The following EIF2S2 variants were observed in gnomAD, a reference collection of about 807,000 sequenced individuals.
EIF2S2 encodes the protein eukaryotic translation initiation factor 2 subunit beta.
In EIF2S2, 4 loss-of-function variants were observed where a neutral mutation model predicts 44.0. That is an observed-to-expected ratio of 0.09 (90% CI 0.04 to 0.21). The LOEUF (loss-of-function observed/expected upper bound fraction) is 0.21. Among genes scored for constraint, EIF2S2 ranks in the 10% least tolerant of loss-of-function variants. The pLI, the probability that EIF2S2 is intolerant of heterozygous loss-of-function variation, is 1.00. For missense variants in EIF2S2, 154 were observed against 392.0 expected, an observed-to-expected ratio of 0.39 and a Z score of 5.13; for synonymous variants, 108 against 128.3, an observed-to-expected ratio of 0.84 and a Z score of 1.07.
chr20:34,112,020 G>GC, intron 1 of EIF2S2, 76 bp downstream of exon 1: 19 of 1,325,300 alleles, frequency 1.4e-5, no homozygotes, highest in Non-Finnish European at 1.9e-5. Context: ...TAGGCCGCAG[G>GC]CCCGTTCTCC....
intron 4 of EIF2S2, among the ~76,000 whole-genome samples, chr20:34,098,290 G>T (rs1315749794): frequency 6.6e-6 from 1 of 151,460 alleles, no homozygotes; most frequent in Non-Finnish European, 1.5e-5. Context: ...TCCCAAGCCT[G>T]AATCAGTATG....
At chr20:34,098,394 A>T in intron 4 of EIF2S2, 104 bp downstream of exon 4, 1 of 1,318,850 alleles carries the variant, frequency 7.6e-7, no homozygotes, top group Non-Finnish European at 1.0e-6. Flanking sequence ...AGTAGAAATA[A>T]GGGGCAAGAA....
intron 8 of EIF2S2, among the ~76,000 whole-genome samples, chr20:34,090,223 C>A (rs563624903): frequency 6.6e-4 from 101 of 152,332 alleles, no homozygotes; most frequent in African/African-American, 2.2e-3. Context: ...TAACTAGGAA[C>A]AAAAGGGGGC....
rs2034422184 is a variant in EIF2S2, at chr20:34,112,149, A to C, written c.-39T>G. On this transcript the variant is annotated 5_prime_UTR_variant, in exon 1 of 9. Transcript: ENST00000374980. ...GTGGGCTCGGCACGGACGGGAAGTC[A>C]GACGGGTCAGCCCCAGGCCCCGGCG... 6.5e-7 allele frequency: 1 copy of C among 1,534,268 alleles called. No homozygotes were observed. Among genetic ancestry groups the C allele is most frequent in the Non-Finnish European group, 8.8e-7 (1 of 1,136,666 alleles).
rs1461358280 is a variant in EIF2S2, at chr20:34,098,612, C to T, written c.319G>A (p.Val107Ile). The change falls in exon 4 of 9, where the codon GTT becomes ATT. Residue 107 changes from valine (V) to isoleucine (I), a missense_variant. This residue lies in a region of EIF2S2 where 134 missense variants were observed against 225.0 expected (regional missense o/e 0.60). Coordinates refer to ENST00000374980, the MANE Select transcript of EIF2S2 (RefSeq NM_003908.5). ...GVKDLKIESDVQEPTEPEDDL... is the reference protein window; with the variant it reads ...GVKDLKIESDIQEPTEPEDDL... ...TCCTCTGGTTCAGTTGGTTCTTGAA[C>T]ATCACTTTCAATCTTAAGATCCTAA... The T allele has an allele frequency of 6.2e-7, 1 of 1,613,726 alleles. No homozygotes were observed. Among genetic ancestry groups the T allele is most frequent in the African/African-American group, 1.3e-5 (1 of 74,916 alleles).
At chr20:34,094,929 G>A (rs1470072703) in intron 6 of EIF2S2, among the ~76,000 whole-genome samples, 1 of 152,200 alleles carries the variant, frequency 6.6e-6, no homozygotes, top group African/African-American at 2.4e-5. Flanking sequence ...CATTGCTAGC[G>A]GGAGTATGAA....
chr20:34,096,920 T>G (rs2034236034), intron 5 of EIF2S2, 115 bp from the exon 6 acceptor site: 3 of 1,147,802 alleles, frequency 2.6e-6, no homozygotes, highest in Admixed American at 2.5e-5. Flanking sequence ...AATATACACA[T>G]GCATTACTAC....
chr20:34,109,398 T>C (rs2034385564), intron 1 of EIF2S2, among the ~76,000 whole-genome samples: 1 of 152,166 alleles, frequency 6.6e-6, no homozygotes, highest in Non-Finnish European at 1.5e-5. Context: ...ATTCTGCTTT[T>C]TAAAGATCAT....
chr20:34,103,054 C>T (rs1418168550), intron 3 of EIF2S2, among the ~76,000 whole-genome samples: 1 of 152,206 alleles, frequency 6.6e-6, no homozygotes, highest in Non-Finnish European at 1.5e-5. Flanking sequence ...CCAACCACCA[C>T]TGTGGTTCAT....
intron 3 of EIF2S2, among the ~76,000 whole-genome samples, chr20:34,101,160 G>A (rs2034290712): frequency 6.6e-6 from 1 of 152,160 alleles, no homozygotes; most frequent in Admixed American, 6.6e-5. Context: ...AGACCAATCT[G>A]CCAGCCAGGC....
In EIF2S2 at chr20:34,089,704, G is replaced by A. The variant is rs1322102389; in HGVS notation, c.*26C>T. The A allele has an allele frequency of 5.0e-6, 8 of 1,600,654 alleles. No homozygotes were observed. The African/African-American group carries it at 1.1e-4, about 21-fold the overall frequency. Reference sequence around the variant, plus strand: ...CTGTCCAGCCACATCTCCACAACAAGCTTTGCAAAATCAGTGATTAGCAAA... The same window carrying A: ...CTGTCCAGCCACATCTCCACAACAAACTTTGCAAAATCAGTGATTAGCAAA... On this transcript the variant is annotated 3_prime_UTR_variant, in exon 9 of 9. Transcript: ENST00000374980.
chr20:34,102,655 G>C (rs1194953487), intron 3 of EIF2S2, among the ~76,000 whole-genome samples: 1 of 152,184 alleles, frequency 6.6e-6, no homozygotes, highest in African/African-American at 2.4e-5. Context: ...TTTGAGTAGA[G>C]GGCACAAGAT....
At chr20:34,111,812 C>T (rs1328312735) in intron 1 of EIF2S2, among the ~76,000 whole-genome samples, 1 of 152,228 alleles carries the variant, frequency 6.6e-6, no homozygotes, top group Non-Finnish European at 1.5e-5. Context: ...ATTAACCGGG[C>T]ATTCGAGCCC....
At position 34,095,308 on chromosome 20, in the gene EIF2S2, CTCTTT is replaced by C. The variant is rs1568713270; in HGVS notation, c.683+1344_683+1348del. Among the ~76,000 whole-genome samples the C allele has an allele frequency of 2.0e-4, 25 of 127,466 alleles. No homozygotes were observed. The South Asian group carries it at 7.7e-3, about 39-fold the overall frequency. 83.6% of individuals were successfully genotyped at this position (127,466 alleles called of 152,430 possible). ...TATTAAACTATGATAAGTTAGCTAC[CTCTTT>C]TTTTTTTTTTTTTTTTTGACAGAGT... is the stretch of plus-strand genomic sequence containing the variant. On this transcript the variant is annotated intron_variant, in intron 6 of 8. Transcript: ENST00000374980.
chr20:34,100,242 TG>T (rs970724185), intron 3 of EIF2S2, among the ~76,000 whole-genome samples: 4 of 152,194 alleles, frequency 2.6e-5, no homozygotes, highest in Non-Finnish European at 5.9e-5. Flanking sequence ...CTCAAACTCC[TG>T]ACCTCAGGTG....
At chr20:34,098,012 G>A (rs1026364409) in intron 4 of EIF2S2, among the ~76,000 whole-genome samples, 1 of 152,118 alleles carries the variant, frequency 6.6e-6, no homozygotes, top group Admixed American at 6.5e-5. Context: ...TTGGGAGGCC[G>A]AGGCGGACGG....
At position 34,112,236 on chromosome 20, in the gene EIF2S2, GA is replaced by G; in HGVS notation, c.-127del. The G allele has an allele frequency of 9.3e-7, 1 of 1,071,448 alleles. No homozygotes were observed. The highest frequency in any genetic ancestry group is 1.3e-6 in the Non-Finnish European group (1 of 799,322). 66.4% of individuals were successfully genotyped at this position (1,071,448 alleles called of 1,614,324 possible). ...CACTAGGCTCTTGCATCAGCGAAAGGAAACGACACCCCGCCCTCTCCTCCAA... is the reference window on the plus strand; with the variant it reads ...CACTAGGCTCTTGCATCAGCGAAAGGAACGACACCCCGCCCTCTCCTCCAA... On this transcript the variant is annotated 5_prime_UTR_variant, in exon 1 of 9. Transcript: ENST00000374980.
intron 7 of EIF2S2, among the ~76,000 whole-genome samples, chr20:34,091,686 T>A (rs962922861): frequency 7.5e-6 from 1 of 133,840 alleles, no homozygotes; most frequent in Non-Finnish European, 1.6e-5. Context: ...GCCACTGCAC[T>A]CCAGCCTGGG....
intron 8 of EIF2S2, 99 bp from the exon 9 acceptor site, chr20:34,090,004 G>A (rs748904226): frequency 2.2e-6 from 3 of 1,356,992 alleles, no homozygotes; most frequent in African/African-American, 2.9e-5. Context: ...CACAAGCCCA[G>A]GCTGAGAATT....
Sources: allele counts gnomAD v4.1 joint callset (sites outside exome capture counted in the v4.1 genomes callset), GRCh38; gene constraint gnomAD v4.1.1; regional missense constraint gnomAD v4.1.1; transcripts MANE v1.5; gene names NCBI Gene and HGNC (gene_info 2026-07-23, HGNC 2026-07-21).